The following FAM20B variants were observed in gnomAD, a reference collection of about 807,000 sequenced individuals.
FAM20B encodes the protein FAM20B glycosaminoglycan xylosylkinase, also known as glycosaminoglycan xylosylkinase.
Under a neutral mutation model 43.8 loss-of-function variants are expected in FAM20B, and 23 were observed. The ratio of observed to expected loss-of-function variants is 0.53; its 90% CI spans 0.38 to 0.74. The LOEUF (loss-of-function observed/expected upper bound fraction) is 0.74, where lower values mean the gene tolerates loss of function less well. Ranked by LOEUF, FAM20B falls within the 30% of genes least tolerant of loss-of-function variation. The pLI, the probability that FAM20B is intolerant of heterozygous loss-of-function variation, is 0.00. For missense variants in FAM20B, 440 were observed against 510.5 expected (o/e 0.86, Z 1.33); for synonymous variants, 178 against 192.4 (o/e 0.93, Z 0.62).
chr1:179,026,208 C>T (rs1236302703), intron 1 of FAM20B, 110 bp downstream of exon 1: 3 of 149,914 alleles, frequency 2.0e-5, no homozygotes, highest in African/African-American at 7.3e-5. Flanking sequence ...GCGCGCCGGG[C>T]TGGGGCCGCC....
At chr1:179,038,624 G>A (rs1057465916) in intron 1 of FAM20B, among the ~76,000 whole-genome samples, 1 of 152,180 alleles carries the variant, frequency 6.6e-6, no homozygotes, top group Non-Finnish European at 1.5e-5. Context: ...GAAGTGTACT[G>A]TTGAACAAGC....
chr1:179,061,802 A>G (rs1651475779), intron 4 of FAM20B, among the ~76,000 whole-genome samples: 2 of 152,186 alleles, frequency 1.3e-5, no homozygotes, highest in South Asian at 4.1e-4. Flanking sequence ...CCACACATTC[A>G]TGTGCTTATT....
At chr1:179,049,707 A>T (rs112110407) in intron 2 of FAM20B, among the ~76,000 whole-genome samples, 2,222 of 152,188 alleles carry the variant, frequency 0.015, 42 homozygotes, top group African/African-American at 0.048. Context: ...CACCCAGGTA[A>T]TTTTGGTGTT....
chr1:179,037,479 CTTT>C (rs768903406), intron 1 of FAM20B, among the ~76,000 whole-genome samples: 2 of 88,378 alleles, frequency 2.3e-5, no homozygotes, highest in Non-Finnish European at 4.0e-5. Flanking sequence ...GTATGTCGGT[CTTT>C]TTTTTTTTTT....
At position 179,075,546 on chromosome 1, in the gene FAM20B, C is replaced by G. The variant is rs1006465448; in HGVS notation, c.*3402C>G. The G allele has an allele frequency of 3.3e-5, 5 of 152,522 alleles. No homozygotes were observed. Among genetic ancestry groups the G allele is most frequent in the African/African-American group, 4.8e-5 (2 of 41,404 alleles). 9.4% of individuals were successfully genotyped at this position (152,522 alleles called of 1,614,324 possible). A position where few individuals can be genotyped will look rare whatever the true frequency, so the allele number is the denominator to read the frequency against. The stretch of plus-strand genomic sequence containing the variant: ...AATAATTTTCTGTGTAAAACAAATT[C>G]ATAGGATCTGATTTGCTCAGAGTAT... On this transcript the variant is annotated 3_prime_UTR_variant, in exon 8 of 8. Coordinates refer to ENST00000263733, the MANE Select transcript of FAM20B (RefSeq NM_014864.4).
the FAM20B span, among the ~76,000 whole-genome samples, chr1:179,018,392 C>T: frequency 2.0e-5 from 3 of 152,098 alleles, no homozygotes; most frequent in Admixed American, 1.3e-4. Flanking sequence ...CTGCAAACTC[C>T]ACCTCCCAGG....
At chr1:179,041,823 A>G (rs1184796934) in intron 1 of FAM20B, among the ~76,000 whole-genome samples, 1 of 152,168 alleles carries the variant, frequency 6.6e-6, no homozygotes, top group Non-Finnish European at 1.5e-5. Flanking sequence ...AATGAGAACC[A>G]AATACTGGTG....
chr1:179,027,135 G>A, intron 1 of FAM20B, among the ~76,000 whole-genome samples: 1 of 152,322 alleles, frequency 6.6e-6, no homozygotes, highest in East Asian at 1.9e-4. Context: ...AGGGAAGTAG[G>A]AATGTGGGGT....
intron 7 of FAM20B, among the ~76,000 whole-genome samples, chr1:179,067,818 T>C (rs1651752274): frequency 6.6e-6 from 1 of 152,046 alleles, no homozygotes; most frequent in Non-Finnish European, 1.5e-5. Flanking sequence ...GGTAGGAGTG[T>C]GGTGGTGCGA....
At chr1:179,027,052 G>C (rs1318910800) in intron 1 of FAM20B, among the ~76,000 whole-genome samples, 2 of 152,190 alleles carry the variant, frequency 1.3e-5, no homozygotes, top group Non-Finnish European at 2.9e-5. Context: ...ATTGCGACTT[G>C]GGTCTAGTGC....
At chr1:179,044,386 A>G (rs1247542248) in intron 2 of FAM20B, among the ~76,000 whole-genome samples, 162 bp downstream of exon 2, 2 of 152,180 alleles carry the variant, frequency 1.3e-5, no homozygotes, top group East Asian at 3.8e-4. Flanking sequence ...ACATGAATCT[A>G]CCTTTATAGT....
Position 179,072,843 on chromosome 1 carries a change from G to A in FAM20B, c.*699G>A, listed in dbSNP as rs1430846838. On this transcript the variant is annotated 3_prime_UTR_variant, in exon 8 of 8. Coordinates refer to ENST00000263733, the MANE Select transcript of FAM20B (RefSeq NM_014864.4). ...GAACTACTGAAAAACAGGTTCCCTT[G>A]TATTTAGGATCTTAAGGTGTATAAA... The A allele has an allele frequency of 6.6e-6, 1 of 152,226 alleles. No individual in the cohort carries two copies. The highest frequency in any genetic ancestry group is 6.5e-5 in the Admixed American group (1 of 15,284). The allele number at this position is 152,226 out of a possible 1,614,324, so 9.4% of individuals were successfully genotyped here.
chr1:179,028,648 C>T (rs7552470), intron 1 of FAM20B, among the ~76,000 whole-genome samples: 13,355 of 152,212 alleles, frequency 0.088, 1,053 homozygotes, highest in African/African-American at 0.21. Flanking sequence ...CTTAGTCCTT[C>T]TGGGACTAAG....
At chr1:179,025,399 T>C (rs16853551), upstream of FAM20B, among the ~76,000 whole-genome samples, 15,995 of 152,194 alleles carry the variant, frequency 0.11, 1,709 homozygotes, top group African/African-American at 0.27. Context: ...AGCCTTTTTC[T>C]GGGCAAAAGA....
intron 7 of FAM20B, among the ~76,000 whole-genome samples, chr1:179,068,550 G>A (rs925046889): frequency 6.6e-6 from 1 of 151,670 alleles, no homozygotes; most frequent in African/African-American, 2.4e-5. Context: ...ATTCTCCTGC[G>A]TCAGCCTCCC....
intron 6 of FAM20B, among the ~76,000 whole-genome samples, chr1:179,066,106 A>C (rs987603981): frequency 1.3e-5 from 2 of 152,152 alleles, no homozygotes; most frequent in Non-Finnish European, 2.9e-5. Flanking sequence ...TTCAGACCAT[A>C]GCAGTTGCCT....
chr1:179,054,602 G>A lies in FAM20B; in HGVS notation c.538G>A (p.Ala180Thr), dbSNP rs772969828. The A allele has an allele frequency of 1.6e-5, 26 of 1,612,306 alleles. No individual in the cohort carries two copies. Among genetic ancestry groups the A allele is most frequent in the African/African-American group, 1.3e-4 (10 of 74,828 alleles). The change falls in exon 4 of 8, where the codon GCC becomes ACC. Residue 180 changes from alanine to threonine, a missense_variant. Physicochemically the swap from Ala to Thr is moderately conservative, Grantham distance 58. Transcript: ENST00000263733. ...TCTTCGGACAGAGATCAAACCTGTC[G>A]CCACAGAGCAGCTGTTGAGCACCTT... ...VNLRTEIKPV[A>T]TEQLLSTFLT...
At chr1:179,034,494 C>G (rs1420265471) in intron 1 of FAM20B, among the ~76,000 whole-genome samples, 1 of 152,102 alleles carries the variant, frequency 6.6e-6, no homozygotes, top group Non-Finnish European at 1.5e-5. Context: ...CTCAGCCTCC[C>G]AAAGTGTTAG....
At chr1:179,059,038 G>A (rs530473667) in intron 4 of FAM20B, among the ~76,000 whole-genome samples, 1 of 152,322 alleles carries the variant, frequency 6.6e-6, no homozygotes, top group Admixed American at 6.5e-5. Context: ...TCCTTCACAG[G>A]CACATCCAGG....
Sources: allele counts gnomAD v4.1 joint callset (sites outside exome capture counted in the v4.1 genomes callset), GRCh38; gene constraint gnomAD v4.1.1; transcripts MANE v1.5; gene names NCBI Gene and HGNC (gene_info 2026-07-23, HGNC 2026-07-21).